The following ROBO1 variants were observed in gnomAD, a reference collection of about 807,000 sequenced individuals.
ROBO1 encodes roundabout guidance receptor 1, also known as roundabout homolog 1.
In ROBO1, 149 loss-of-function variants were observed where a neutral mutation model predicts 195.9. That is an observed-to-expected ratio of 0.76 (90% CI 0.67 to 0.87). The LOEUF (loss-of-function observed/expected upper bound fraction) is 0.87, where lower values mean the gene tolerates loss of function less well. ROBO1 is among the 40% of genes least tolerant of loss of function. The pLI is 0.00. For missense variants in ROBO1, 1,933 were observed against 2,068.3 expected, an observed-to-expected ratio of 0.93 and a Z score of 1.27; for synonymous variants, 816 against 733.2, an observed-to-expected ratio of 1.11 and a Z score of -1.82.
intron 3 of ROBO1, among the ~76,000 whole-genome samples, chr3:79,099,200 T>A (rs1303970881): frequency 6.6e-6 from 1 of 151,796 alleles, no homozygotes; most frequent in African/African-American, 2.4e-5. Context: ...GCTTGCTTTT[T>A]CAAAACACAC....
intron 2 of ROBO1, among the ~76,000 whole-genome samples, chr3:79,349,512 T>C (rs922095418): frequency 6.6e-6 from 1 of 152,110 alleles, no homozygotes; most frequent in Non-Finnish European, 1.5e-5. Context: ...CTAAGACTAA[T>C]TAAAACACTC....
At chr3:79,245,829 T>G (rs946144019) in intron 2 of ROBO1, among the ~76,000 whole-genome samples, 2 of 151,956 alleles carry the variant, frequency 1.3e-5, no homozygotes, top group South Asian at 2.1e-4. Context: ...GAAACAATAA[T>G]GAAAAAAATC....
At chr3:79,086,993 C>G (rs1487058586) in intron 3 of ROBO1, among the ~76,000 whole-genome samples, 5 of 151,842 alleles carry the variant, frequency 3.3e-5, no homozygotes, top group Non-Finnish European at 7.4e-5. Flanking sequence ...AATTAAGGAA[C>G]ATTTTGATAT....
intron 1 of ROBO1, among the ~76,000 whole-genome samples, chr3:79,617,991 TA>T (rs1944881183): frequency 6.7e-6 from 1 of 150,354 alleles, no homozygotes; most frequent in African/African-American, 2.4e-5. Flanking sequence ...GTTGAAAGCT[TA>T]AAACTAGGTT....
At position 79,592,705 on chromosome 3, in the gene ROBO1, G is replaced by A. The variant is rs118119575; in HGVS notation, c.-50-2744C>T. Among the ~76,000 whole-genome samples the A allele has an allele frequency of 2.4e-4, 37 of 152,052 alleles. No homozygotes were observed. In the East Asian group the frequency reaches 4.3e-3, roughly 18 times the overall value. ...CATTGGCAACCCCCACCAGAATGAT[G>A]CATTTGTTACAACTGATCAACCTGC... On this transcript the variant is annotated intron_variant, in intron 1 of 30. Transcript: ENST00000464233.
At chr3:79,055,643 A>G (rs1397422112) in intron 3 of ROBO1, among the ~76,000 whole-genome samples, 2 of 152,184 alleles carry the variant, frequency 1.3e-5, no homozygotes, top group Non-Finnish European at 2.9e-5. Context: ...AATATTCCAC[A>G]TAACTCTTAT....
intron 2 of ROBO1, among the ~76,000 whole-genome samples, chr3:79,271,974 C>T (rs946867702): frequency 6.6e-6 from 1 of 151,950 alleles, no homozygotes; most frequent in Non-Finnish European, 1.5e-5. Flanking sequence ...ATATGTGATA[C>T]TGACATATAA....
At chr3:78,675,433 C>T (rs144915010) in intron 10 of ROBO1, among the ~76,000 whole-genome samples, 2,182 of 152,176 alleles carry the variant, frequency 0.014, 18 homozygotes, top group Non-Finnish European at 0.023. Flanking sequence ...GGGTGACAGA[C>T]GGCACCTGGA....
intron 4 of ROBO1, among the ~76,000 whole-genome samples, chr3:78,931,887 G>A (rs1199764086): frequency 1.3e-5 from 2 of 152,054 alleles, no homozygotes; most frequent in African/African-American, 4.8e-5. Context: ...GAGTTAGGAG[G>A]ATCGCTTGAG....
intron 2 of ROBO1, among the ~76,000 whole-genome samples, chr3:79,296,505 G>A (rs1576938001): frequency 6.6e-6 from 1 of 152,170 alleles, no homozygotes; most frequent in Admixed American, 6.5e-5. Context: ...TGACCTGAGG[G>A]ACATCAAGTG....
In ROBO1 at chr3:79,235,309, A is replaced by T. The variant is rs183344635; in HGVS notation, c.89-109770T>A. On this transcript the variant is annotated intron_variant, in intron 2 of 30. Coordinates refer to ENST00000464233, the MANE Select transcript of ROBO1 (RefSeq NM_002941.4). Reference sequence around the variant, plus strand: ...TTAAAAAAGGAAAATAAGTGGTTGCATTTGGGGAGTGATATTGGAGAACAG... The same window carrying T: ...TTAAAAAAGGAAAATAAGTGGTTGCTTTTGGGGAGTGATATTGGAGAACAG... Among the ~76,000 whole-genome samples the T allele has an allele frequency of 1.4e-4, 22 of 152,286 alleles. No individual in the cohort carries two copies. The East Asian group carries it at 4.1e-3, about 28-fold the overall frequency.
At chr3:79,494,164 C>T (rs1939609426) in intron 2 of ROBO1, among the ~76,000 whole-genome samples, 1 of 152,042 alleles carries the variant, frequency 6.6e-6, no homozygotes, top group Admixed American at 6.6e-5. Flanking sequence ...TTTTTCTCCC[C>T]ACGCCCCATG....
At chr3:79,662,962 G>A (rs1033279350) in intron 1 of ROBO1, among the ~76,000 whole-genome samples, 2 of 151,978 alleles carry the variant, frequency 1.3e-5, no homozygotes, top group Non-Finnish European at 2.9e-5. Flanking sequence ...GATATATAAG[G>A]TGGTATTTAT....
At chr3:79,033,511 C>T (rs1398634333) in intron 3 of ROBO1, among the ~76,000 whole-genome samples, 2 of 152,000 alleles carry the variant, frequency 1.3e-5, no homozygotes, top group African/African-American at 4.8e-5. Flanking sequence ...GATAATGCCC[C>T]AAGGAATACA....
intron 2 of ROBO1, among the ~76,000 whole-genome samples, chr3:79,259,467 A>C (rs1192433226): frequency 6.6e-6 from 1 of 152,072 alleles, no homozygotes; most frequent in Non-Finnish European, 1.5e-5. Flanking sequence ...TTATCTTAAA[A>C]TGTACAATTA....
At chr3:79,055,563 G>A (rs2078789599) in intron 3 of ROBO1, among the ~76,000 whole-genome samples, 1 of 152,028 alleles carries the variant, frequency 6.6e-6, no homozygotes, top group Admixed American at 6.6e-5. Flanking sequence ...GTACAATTCA[G>A]CCTTATATCA....
intron 2 of ROBO1, among the ~76,000 whole-genome samples, chr3:79,175,299 A>T (rs2081246187): frequency 6.6e-6 from 1 of 152,020 alleles, no homozygotes. Context: ...AGTAATCCTC[A>T]GTTACTTTTA....
chr3:79,497,640 T>C (rs1203384535), intron 2 of ROBO1, among the ~76,000 whole-genome samples: 1 of 152,156 alleles, frequency 6.6e-6, no homozygotes, highest in Non-Finnish European at 1.5e-5. Context: ...AATTTGATTA[T>C]CCCCCTTGAA....
chr3:78,765,388 A>G (rs959298909), intron 4 of ROBO1, among the ~76,000 whole-genome samples: 6 of 152,162 alleles, frequency 3.9e-5, no homozygotes, highest in African/African-American at 1.2e-4. Flanking sequence ...TAGAAACATA[A>G]AATTTATTAT....
Sources: gnomAD v4.1 joint callset for allele counts (sites outside exome capture counted in the v4.1 genomes callset) on GRCh38, gnomAD v4.1.1 for gene constraint, MANE v1.5 for transcripts, NCBI Gene and HGNC (gene_info 2026-07-23, HGNC 2026-07-21) for gene names.